Variants in APBB2 observed in about 807,000 individuals in gnomAD.
The protein encoded by APBB2 is amyloid beta precursor protein binding family B member 2.
Under a neutral mutation model 82.5 loss-of-function variants are expected in APBB2, and 38 were observed. That is an observed-to-expected ratio of 0.46 (90% CI 0.36 to 0.60). The LOEUF (loss-of-function observed/expected upper bound fraction) is 0.60. Among genes scored for constraint, APBB2 ranks in the 20% least tolerant of loss-of-function variants. The pLI is 0.00. For synonymous variants in APBB2, 341 were observed against 368.2 expected (o/e 0.93, Z 0.85); for missense variants, 772 against 972.3 (o/e 0.79, Z 2.74).
intron 6 of APBB2, among the ~76,000 whole-genome samples, chr4:40,947,507 G>A (rs1483881908): frequency 2.6e-5 from 4 of 152,222 alleles, no homozygotes; most frequent in African/African-American, 9.6e-5. Flanking sequence ...GGTACCTAGA[G>A]GTATCATGAG....
At chr4:41,016,666 A>G (rs912514075) in intron 5 of APBB2, among the ~76,000 whole-genome samples, 2 of 150,880 alleles carry the variant, frequency 1.3e-5, no homozygotes, top group African/African-American at 4.9e-5. Context: ...AACAAAAAAG[A>G]AAAAAAAAGA....
At chr4:40,922,089 A>G (rs1260934396) in intron 10 of APBB2, among the ~76,000 whole-genome samples, 1 of 152,212 alleles carries the variant, frequency 6.6e-6, no homozygotes, top group Admixed American at 6.5e-5. Context: ...TGAAGCGATC[A>G]TTAGTCTGAG....
At position 40,835,865 on chromosome 4, in the gene APBB2, T is replaced by C. The variant is rs559843710; in HGVS notation, c.1530-5288A>G. Among the ~76,000 whole-genome samples, 29 of 152,222 alleles carry C rather than the reference T, an allele frequency of 1.9e-4. No homozygotes were observed. In the South Asian group the frequency reaches 2.9e-3, roughly 15 times the overall value. ...ACAGATGGAAGAGGTGTTGGAAGGATAGCTGGCAGGAGTGGCAGATGTGTG... is the reference window on the plus strand; with the variant it reads ...ACAGATGGAAGAGGTGTTGGAAGGACAGCTGGCAGGAGTGGCAGATGTGTG... On this transcript the variant is annotated intron_variant, in intron 12 of 17. Transcript: ENST00000508593.
rs58342460 is a variant in APBB2 at position 40,991,175 on chromosome 4, CTTTTTTTT to C, written c.835+22400_835+22407del. 2.2e-5 allele frequency among the ~76,000 whole-genome samples: 2 copies of C among 90,496 alleles called. 1 individual carries two copies. The highest frequency in any genetic ancestry group is 4.2e-5 in the Non-Finnish European group (2 of 47,468). The allele number at this position is 90,496 out of a possible 152,430, so 59.4% of individuals were successfully genotyped here. A position where few individuals can be genotyped will look rare whatever the true frequency, so the allele number is the denominator to read the frequency against. On this transcript the variant is annotated intron_variant, in intron 6 of 17. Coordinates refer to ENST00000508593, the MANE Select transcript of APBB2 (RefSeq NM_004307.2). ...TTTTGTTGTGTGTGTGTGTGTTTTG[CTTTTTTTT>C]TTTTTTTTTTTTTTGTAGAAATGAG...
At chr4:40,870,549 T>G (rs1356315546) in intron 12 of APBB2, among the ~76,000 whole-genome samples, 1 of 152,074 alleles carries the variant, frequency 6.6e-6, no homozygotes, top group Non-Finnish European at 1.5e-5. Context: ...CTGTACCACC[T>G]AGAGGAGAGA....
At chr4:40,816,976 G>A (rs1294216754) in intron 17 of APBB2, among the ~76,000 whole-genome samples, 4 of 152,036 alleles carry the variant, frequency 2.6e-5, no homozygotes, top group African/African-American at 7.2e-5. Context: ...CTGGCACCAG[G>A]GATAATTCCT....
At chr4:40,864,786 G>A (rs540905397) in intron 12 of APBB2, among the ~76,000 whole-genome samples, 3 of 151,564 alleles carry the variant, frequency 2.0e-5, no homozygotes, top group Admixed American at 2.0e-4. Flanking sequence ...AGGGTGTAGC[G>A]AGGGTGAGCA....
intron 2 of APBB2, among the ~76,000 whole-genome samples, chr4:41,119,783 T>C (rs1188689463): frequency 6.6e-6 from 1 of 152,270 alleles, no homozygotes; most frequent in East Asian, 1.9e-4. Context: ...GTCTACCACA[T>C]ATAAAAACCT....
rs145056928 is a variant in APBB2, at chr4:41,041,132, G to C, written c.-50-7828C>G. ...CCTGATCTTGTGATTCCCCCACCTT[G>C]GCCTCCCAAAGTGCTGGGATTACAG... On this transcript the variant is annotated intron_variant, in intron 4 of 17. Transcript: ENST00000508593. Among the ~76,000 whole-genome samples, 41 of 152,158 alleles carry C rather than the reference G, an allele frequency of 2.7e-4. No individual in the cohort carries two copies. The East Asian group carries it at 5.6e-3, about 21-fold the overall frequency.
Position 40,826,887 on chromosome 4 carries a change from T to G in APBB2, c.1732+245A>C. On this transcript the variant is annotated intron_variant, in intron 14 of 17. Coordinates refer to ENST00000508593, the MANE Select transcript of APBB2 (RefSeq NM_004307.2). The surrounding 1 kb of genome is among the most constrained non-coding windows in gnomAD (Gnocchi z 4.5). ...ACAAAATGAAAACGAAGGCAAAAAC[T>G]AAAGACAATATTCTTTAATCTTGTC... is the stretch of plus-strand genomic sequence containing the variant. 2.4e-6 allele frequency: 1 copy of G among 410,526 alleles called. No homozygotes were observed. The highest frequency in any genetic ancestry group is 4.3e-6 in the Non-Finnish European group (1 of 230,122). 25.4% of individuals were successfully genotyped at this position (410,526 alleles called of 1,614,324 possible).
chr4:40,848,893 GTCAAC>G (rs1758462483), intron 12 of APBB2: 10 of 985,178 alleles, frequency 1.0e-5, no homozygotes, highest in African/African-American at 1.7e-5. Flanking sequence ...CCCAGTCATT[GTCAAC>G]ATTCACAGCC....
At chr4:40,991,363 T>C (rs1376499151) in intron 6 of APBB2, among the ~76,000 whole-genome samples, 1 of 151,912 alleles carries the variant, frequency 6.6e-6, no homozygotes, top group East Asian at 1.9e-4. Context: ...GTATTGATTT[T>C]TAAAAGTCCC....
At chr4:40,943,564 C>T (rs1787586131) in intron 7 of APBB2, among the ~76,000 whole-genome samples, 1 of 152,230 alleles carries the variant, frequency 6.6e-6, no homozygotes, top group Admixed American at 6.5e-5. Flanking sequence ...GACTCCTCTC[C>T]ATACCAAACT....
At chr4:40,922,309 T>C (rs1781460103) in intron 10 of APBB2, among the ~76,000 whole-genome samples, 2 of 152,234 alleles carry the variant, frequency 1.3e-5, no homozygotes, top group Admixed American at 1.3e-4. Context: ...GTCTGACTGA[T>C]CTACTACCCT....
chr4:41,027,368 T>C (rs1254230746), intron 5 of APBB2, among the ~76,000 whole-genome samples: 217 of 12,524 alleles, frequency 0.017, 1 homozygote, highest in African/African-American at 0.068. Flanking sequence ...TTGTTACATA[T>C]ATATATATAT....
At chr4:40,925,467 G>A (rs189820404) in intron 10 of APBB2, among the ~76,000 whole-genome samples, 154 of 152,198 alleles carry the variant, frequency 1.0e-3, no homozygotes, top group Non-Finnish European at 1.3e-3. Context: ...CTTTAAACCC[G>A]GGCAGTCTGG....
intron 4 of APBB2, among the ~76,000 whole-genome samples, chr4:41,036,827 A>G (rs1160725101): frequency 6.6e-6 from 1 of 152,238 alleles, no homozygotes; most frequent in African/African-American, 2.4e-5. Flanking sequence ...CTAGACACTT[A>G]TATCCTTGAT....
intron 6 of APBB2, among the ~76,000 whole-genome samples, chr4:40,961,842 C>A (rs545563713): frequency 6.6e-6 from 1 of 152,246 alleles, no homozygotes; most frequent in African/African-American, 2.4e-5. Context: ...CAAGTATTGT[C>A]AAAAATGCAG....
chr4:40,952,027 A>G (rs2154384407), intron 6 of APBB2, among the ~76,000 whole-genome samples: 1 of 152,110 alleles, frequency 6.6e-6, no homozygotes, highest in African/African-American at 2.4e-5. Context: ...CTCTACCAAA[A>G]ATGCAAAAAT....
Sources: gnomAD v4.1 joint callset for allele counts (sites outside exome capture counted in the v4.1 genomes callset) on GRCh38, gnomAD v4.1.1 for gene constraint, Gnocchi (gnomAD v3.1) non-coding constraint, MANE v1.5 for transcripts, NCBI Gene and HGNC (gene_info 2026-07-23, HGNC 2026-07-21) for gene names.